The following SRD5A2 variants were observed in gnomAD, a reference collection of about 807,000 sequenced individuals.
The protein encoded by SRD5A2 is steroid 5 alpha-reductase 2.
In SRD5A2, 30 loss-of-function variants were observed where a neutral mutation model predicts 27.4. That is an observed-to-expected ratio of 1.10 (90% CI 0.82 to 1.49). The LOEUF (loss-of-function observed/expected upper bound fraction) is 1.49. Ranked by LOEUF, SRD5A2 falls within the 40% of genes most tolerant of loss-of-function variation. The pLI is 0.00. For synonymous variants in SRD5A2, 141 were observed against 133.6 expected, an observed-to-expected ratio of 1.06 and a Z score of -0.38; for missense variants, 348 against 323.4, an observed-to-expected ratio of 1.08 and a Z score of -0.58.
chr2:31,656,574 T>C, the SRD5A2 span, among the ~76,000 whole-genome samples: 1 of 152,152 alleles, frequency 6.6e-6, no homozygotes, highest in African/African-American at 2.4e-5. Context: ...GGAAAATAGC[T>C]GATGCCCCTT....
chr2:31,536,170 G>C (rs1042042067), intron 1 of SRD5A2, among the ~76,000 whole-genome samples: 1 of 152,186 alleles, frequency 6.6e-6, no homozygotes, highest in Non-Finnish European at 1.5e-5. Context: ...TAGAAGGAAA[G>C]GATCCTGAAA....
chr2:31,641,014 T>A, the SRD5A2 span, among the ~76,000 whole-genome samples: 1 of 152,184 alleles, frequency 6.6e-6, no homozygotes, highest in East Asian at 1.9e-4. Flanking sequence ...AATGCAAATG[T>A]AAAAGTCTTA....
chr2:31,622,540 T>C, the SRD5A2 span, among the ~76,000 whole-genome samples: 1 of 152,152 alleles, frequency 6.6e-6, no homozygotes. Context: ...GCATTGTTTG[T>C]GCAATGTGCA....
chr2:31,660,577 C>A, the SRD5A2 span, among the ~76,000 whole-genome samples: 13 of 151,530 alleles, frequency 8.6e-5, no homozygotes, highest in South Asian at 2.7e-3. Flanking sequence ...ATAATTGTAC[C>A]ATTTTGGTGG....
rs1398579980 is a variant in SRD5A2, at chr2:31,533,771, G to A, written c.282-5C>T. ...AGCAGTGAGTACACAAATGTCCTGG[G>A]ACACACAGGGAGGAAAGGTTAGGAT... On this transcript the variant is annotated splice_polypyrimidine_tract_variant and splice_region_variant and intron_variant, in intron 1 of 4. Transcript: ENST00000622030. The A allele has an allele frequency of 3.7e-6, 6 of 1,600,068 alleles. No individual in the cohort carries two copies. The African/African-American group carries it at 6.7e-5, about 18-fold the overall frequency.
At chr2:31,578,218 A>C (rs1158380886) in intron 1 of SRD5A2, among the ~76,000 whole-genome samples, 1 of 152,090 alleles carries the variant, frequency 6.6e-6, no homozygotes, top group African/African-American at 2.4e-5. Context: ...ATTTTTCATT[A>C]GGAAAAAATG....
the SRD5A2 span, among the ~76,000 whole-genome samples, chr2:31,601,325 G>T: frequency 6.6e-6 from 1 of 151,928 alleles, no homozygotes; most frequent in Non-Finnish European, 1.5e-5. Flanking sequence ...TAGAAGAAAT[G>T]GAAAAAGTCA....
At chr2:31,527,977 A>G (rs912453808) in intron 4 of SRD5A2, among the ~76,000 whole-genome samples, 3 of 152,188 alleles carry the variant, frequency 2.0e-5, no homozygotes, top group Non-Finnish European at 4.4e-5. Context: ...TCTTTCCACA[A>G]AAGCCATTTT....
At chr2:31,580,462 G>A (rs1422909754) in intron 1 of SRD5A2, among the ~76,000 whole-genome samples, 158 bp downstream of exon 1, 3 of 152,110 alleles carry the variant, frequency 2.0e-5, no homozygotes, top group African/African-American at 7.2e-5. Flanking sequence ...CCCGGCCCCG[G>A]CCCCCGCCAG....
At chr2:31,653,149 C>T in the SRD5A2 span, among the ~76,000 whole-genome samples, 1 of 152,140 alleles carries the variant, frequency 6.6e-6, no homozygotes, top group Middle Eastern at 3.2e-3. Context: ...CCAACACCAA[C>T]CAGCCAATAC....
At position 31,550,083 on chromosome 2, in the gene SRD5A2, T is replaced by C. The variant is rs1357864714; in HGVS notation, c.282-16317A>G. 2.0e-5 allele frequency among the ~76,000 whole-genome samples: 3 copies of C among 152,080 alleles called. No homozygotes were observed. The South Asian group carries it at 6.2e-4, about 32-fold the overall frequency. On this transcript the variant is annotated intron_variant, in intron 1 of 4. Transcript: ENST00000622030. ...ATAGAAACAAAACAGAGATCAGACA[T>C]AATAATAACAAGAAATTCTCCAAAA...
the SRD5A2 span, among the ~76,000 whole-genome samples, chr2:31,635,288 C>A: frequency 6.6e-6 from 1 of 152,092 alleles, no homozygotes; most frequent in African/African-American, 2.4e-5. Context: ...ATTTGCATTT[C>A]TCTGATGATA....
intron 1 of SRD5A2, among the ~76,000 whole-genome samples, chr2:31,559,752 T>C (rs1666575857): frequency 6.6e-6 from 1 of 152,048 alleles, no homozygotes; most frequent in South Asian, 2.1e-4. Context: ...GTCAGGTATG[T>C]TTGTCTACTG....
chr2:31,619,271 TAG>T, the SRD5A2 span, among the ~76,000 whole-genome samples: 1 of 152,236 alleles, frequency 6.6e-6, no homozygotes, highest in Admixed American at 6.5e-5. Flanking sequence ...TCAAAAAGTT[TAG>T]AGTTACCACA....
At chr2:31,581,917 C>T (rs28382991), upstream of SRD5A2, among the ~76,000 whole-genome samples, 1 of 152,194 alleles carries the variant, frequency 6.6e-6, no homozygotes, top group South Asian at 2.1e-4. Flanking sequence ...TATCCTCCAG[C>T]CCCTCCGTCT....
chr2:31,533,601 A>G lies in SRD5A2; in HGVS notation c.445+2T>C, dbSNP rs1665961900. The G allele has an allele frequency of 1.9e-6, 3 of 1,551,342 alleles. No individual in the cohort carries two copies. In the South Asian group the frequency reaches 3.6e-5, roughly 18 times the overall value. Reference sequence around the variant, plus strand: ...AGGTGAGAAGTGGGCAGATTCACTTACCCAAGCTAAACCGTATGTCTGTGT... The same window carrying G: ...AGGTGAGAAGTGGGCAGATTCACTTGCCCAAGCTAAACCGTATGTCTGTGT... On this transcript the variant is annotated splice_donor_variant, in intron 2 of 4. Coordinates refer to ENST00000622030, the MANE Select transcript of SRD5A2 (RefSeq NM_000348.4). LOFTEE classifies it high-confidence loss of function.
At chr2:31,611,920 T>C in the SRD5A2 span, among the ~76,000 whole-genome samples, 3 of 152,106 alleles carry the variant, frequency 2.0e-5, no homozygotes, top group Non-Finnish European at 4.4e-5. Context: ...TATCTGAATA[T>C]AGGAGAATAG....
chr2:31,596,042 A>T, the SRD5A2 span, among the ~76,000 whole-genome samples: 2,881 of 152,294 alleles, frequency 0.019, 38 homozygotes, highest in Non-Finnish European at 0.026. Flanking sequence ...ATCAGCATAG[A>T]AGAGAGATAC....
At chr2:31,595,776 C>T in the SRD5A2 span, among the ~76,000 whole-genome samples, 1 of 152,058 alleles carries the variant, frequency 6.6e-6, no homozygotes, top group African/African-American at 2.4e-5. Context: ...AACTAATATT[C>T]CTGGTGAGCA....
Sources: gnomAD v4.1 joint callset for allele counts (sites outside exome capture counted in the v4.1 genomes callset) on GRCh38, gnomAD v4.1.1 for gene constraint, MANE v1.5 for transcripts, NCBI Gene and HGNC (gene_info 2026-07-23, HGNC 2026-07-21) for gene names.